Variants in ACACB observed in about 807,000 individuals in gnomAD.
ACACB encodes the protein acetyl-CoA carboxylase 2.
A neutral mutation model predicts 278.8 loss-of-function variants in ACACB; 209 were observed. That is an observed-to-expected ratio of 0.75 (90% confidence interval 0.67 to 0.84). The LOEUF is 0.84. ACACB is among the 40% of genes least tolerant of loss of function. The pLI, the probability that ACACB is intolerant of heterozygous loss-of-function variation, is 0.00. For synonymous variants in ACACB, 1,174 were observed against 1,285.6 expected (o/e 0.91, Z 1.86); for missense variants, 2,850 against 3,269.0 (o/e 0.87, Z 3.13).
intron 31 of ACACB, among the ~76,000 whole-genome samples, chr12:109,234,289 T>C (rs1476026248): frequency 6.6e-6 from 1 of 152,182 alleles, no homozygotes; most frequent in Non-Finnish European, 1.5e-5. Flanking sequence ...ATACACGGCT[T>C]AGCCAGTCCC....
chr12:109,133,863 A>ATATATTT (rs55881936), intron 1 of ACACB, among the ~76,000 whole-genome samples: 4 of 70,646 alleles, frequency 5.7e-5, no homozygotes, highest in African/African-American at 1.8e-4. Context: ...ATATATATAT[A>ATATATTT]TTTTTTTTTT....
At chr12:109,156,164 C>T (rs961020125) in intron 2 of ACACB, among the ~76,000 whole-genome samples, 9 of 152,138 alleles carry the variant, frequency 5.9e-5, no homozygotes, top group African/African-American at 2.2e-4. Flanking sequence ...TTGGAGGCTG[C>T]AGTGTGCTAT....
intron 1 of ACACB, among the ~76,000 whole-genome samples, chr12:109,122,092 G>A (rs1015205814): frequency 1.7e-4 from 26 of 152,326 alleles, no homozygotes; most frequent in Middle Eastern, 3.4e-3. Context: ...GCAGAGGAAC[G>A]TAGAGGGGTC....
Position 109,258,375 on chromosome 12 carries a change from C to CG in ACACB, c.6360+14dup. ...GATTCTGAGGCCAAGGTGAGGGGGCCGGGAGCTGTGGCTGCTGGTTTAGCC... is the reference window on the plus strand; with the variant it reads ...GATTCTGAGGCCAAGGTGAGGGGGCCGGGGAGCTGTGGCTGCTGGTTTAGCC... On this transcript the variant is annotated intron_variant, in intron 46 of 52. Transcript: ENST00000338432. The CG allele has an allele frequency of 6.2e-7, 1 of 1,606,734 alleles. No individual in the cohort carries two copies. The highest frequency in any genetic ancestry group is 8.5e-7 in the Non-Finnish European group (1 of 1,177,148).
intron 24 of ACACB, among the ~76,000 whole-genome samples, chr12:109,221,896 G>C (rs1210350895): frequency 7.9e-5 from 11 of 139,772 alleles, no homozygotes; most frequent in Admixed American, 7.7e-4. Context: ...TTTTTTTTTG[G>C]GGGGGAGACA....
At chr12:109,210,291 G>GTATA (rs1189428641) in intron 21 of ACACB, among the ~76,000 whole-genome samples, 3 of 72,534 alleles carry the variant, frequency 4.1e-5, no homozygotes, top group East Asian at 5.3e-4. Context: ...ACATATCTGT[G>GTATA]TGTATATGTA....
rs1400456538 is a variant in ACACB at position 109,223,859 on chromosome 12, T to C, written c.3837T>C (p.Thr1279=). 1.2e-6 allele frequency: 2 copies of C among 1,614,090 alleles called. No individual in the cohort carries two copies. The highest frequency in any genetic ancestry group is 2.7e-5 in the African/African-American group (2 of 74,936). ...SETTIFDVLP[T]FFYHANKVVC... is the part of the protein sequence containing the mutation. ...CAACCATCTTCGACGTCCTGCCTAC[T>C]TTCTTCTATCACGCAAACAAAGTCG... The change falls in exon 27 of 53, where the codon ACT becomes ACC. Residue 1279 remains threonine (T), a synonymous_variant. Coordinates refer to ENST00000338432, the MANE Select transcript of ACACB (RefSeq NM_001093.4).
At chr12:109,166,732 A>G in intron 2 of ACACB, 129 bp from the exon 3 acceptor site, 2 of 970,806 alleles carry the variant, frequency 2.1e-6, no homozygotes, top group South Asian at 3.0e-5. Flanking sequence ...GGGGCTCTGG[A>G]GAGCAAGTGC....
chr12:109,208,397 G>A lies in ACACB; in HGVS notation c.3061-768G>A, dbSNP rs143306128. Reference sequence around the variant, plus strand: ...CACCCAGCTAATTTTTTGTAGAGACGGGGTCTCGCCATGTTGCCCAGGCTG... The same window carrying A: ...CACCCAGCTAATTTTTTGTAGAGACAGGGTCTCGCCATGTTGCCCAGGCTG... On this transcript the variant is annotated intron_variant, in intron 20 of 52. Transcript: ENST00000338432. Among the ~76,000 whole-genome samples, 217 of 151,928 alleles carry A rather than the reference G, an allele frequency of 1.4e-3. 1 individual carries two copies. Among genetic ancestry groups the A allele is most frequent in the African/African-American group, 5.1e-3 (212 of 41,448 alleles).
At chr12:109,249,108 A>C (rs112479744) in intron 40 of ACACB, 1 of 152,256 alleles carries the variant, frequency 6.6e-6, no homozygotes. Context: ...GAAGCAAAGA[A>C]CACGGAATCA....
chr12:109,183,070 TG>T (rs2044535357), intron 11 of ACACB, among the ~76,000 whole-genome samples: 1 of 152,226 alleles, frequency 6.6e-6, no homozygotes, highest in Admixed American at 6.5e-5. Context: ...TTCGCAAGTC[TG>T]TCAAAAATCA....
At chr12:109,252,400 G>T in intron 42 of ACACB, 1 of 351,014 alleles carries the variant, frequency 2.8e-6, no homozygotes, top group African/African-American at 2.1e-5. Context: ...AATTATTGAA[G>T]TGCCATTACA....
chr12:109,245,754 A>G lies in ACACB; in HGVS notation c.5301+6A>G, dbSNP rs1180763389. On this transcript the variant is annotated splice_donor_region_variant and intron_variant, in intron 38 of 52. Transcript: ENST00000338432. ...GACTTCCTGGTGGAAATGAGGTAAT[A>G]GCTCAGCGGAGCCTAACCCCTGGCT... 1.2e-6 allele frequency: 2 copies of G among 1,613,526 alleles called. No individual in the cohort carries two copies.
rs1249480636 is a variant in ACACB, at chr12:109,246,203, A to T, written c.5326A>T (p.Arg1776Trp). The T allele has an allele frequency of 6.2e-7, 1 of 1,612,368 alleles. No homozygotes were observed. Among genetic ancestry groups the T allele is most frequent in the Admixed American group, 1.7e-5 (1 of 59,960 alleles). ...NEVGMVAFKM[R>W]FKTQEYPEGR... is the part of the protein sequence containing the mutation. The stretch of plus-strand genomic sequence containing the variant: ...GGTGGGCATGGTGGCCTTCAAAATG[A>T]GGTTTAAGACCCAGGAGTACCCGGA... Residue 1776 changes from arginine to tryptophan, a missense_variant, in exon 39 of 53, where the codon AGG becomes TGG. This residue lies in a region of ACACB where 2,265 missense variants were observed against 2,561.3 expected (regional missense o/e 0.88). Transcript: ENST00000338432.
chr12:109,143,952 A>G (rs1354964872), intron 2 of ACACB, among the ~76,000 whole-genome samples: 1 of 152,130 alleles, frequency 6.6e-6, no homozygotes, highest in African/African-American at 2.4e-5. Flanking sequence ...GGATCCCTTG[A>G]GCCCAGAAGT....
rs2044906072 is a variant in ACACB, at chr12:109,191,940, TC to T, written c.2392del (p.Leu798TrpfsTer13). On this transcript the variant is annotated frameshift_variant, in exon 15 of 53. Transcript: ENST00000338432. LOFTEE classifies it high-confidence loss of function. ...AACGTGCATGACAGATTTCTTACAC[TC>T]CCTGGAAAGGTAGGGGCTGTGGCAG... ...FRTCMTDFLH[S>X]LERGQVLPAD... 1.2e-6 allele frequency: 2 copies of T among 1,614,166 alleles called. No homozygotes were observed. Among genetic ancestry groups the T allele is most frequent in the East Asian group, 4.5e-5 (2 of 44,868 alleles).
rs757152112 is a variant in ACACB, at chr12:109,233,799, C to G, written c.4191C>G (p.Pro1397=). 59 of 1,614,096 alleles carry G rather than the reference C, an allele frequency of 3.7e-5. 1 individual carries two copies. The East Asian group carries it at 1.1e-3, about 30-fold the overall frequency. The change falls in exon 30 of 53, where the codon CCC becomes CCG. Residue 1397 remains proline, a synonymous_variant. Coordinates refer to ENST00000338432, the MANE Select transcript of ACACB (RefSeq NM_001093.4). ...SCFANVPKDT[P]LFSEARTSLY... is the part of the protein sequence containing the mutation. The stretch of plus-strand genomic sequence containing the variant: ...TCGCCAACGTGCCCAAAGACACCCC[C>G]CTCTTCAGCGAGGCCCGCACCTCCC...
At chr12:109,254,825 A>C (rs906418351) in intron 44 of ACACB, among the ~76,000 whole-genome samples, 4 of 150,376 alleles carry the variant, frequency 2.7e-5, no homozygotes, top group African/African-American at 9.8e-5. Context: ...CCCAGGCTGG[A>C]GTGCAGTGGC....
chr12:109,232,667 A>G lies in ACACB; in HGVS notation c.4002-2A>G. 6.2e-7 allele frequency: 1 copy of G among 1,613,522 alleles called. No individual in the cohort carries two copies. The highest frequency in any genetic ancestry group is 1.1e-5 in the South Asian group (1 of 90,986). ...CATCCCCGACTTGCCATCACCTTAC[A>G]GGATGACCGTGCCCATCAGCATCAC... On this transcript the variant is annotated splice_acceptor_variant, in intron 28 of 52. Coordinates refer to ENST00000338432, the MANE Select transcript of ACACB (RefSeq NM_001093.4). LOFTEE classifies it high-confidence loss of function.
Sources: gnomAD v4.1 joint callset for allele counts (sites outside exome capture counted in the v4.1 genomes callset) on GRCh38, gnomAD v4.1.1 for gene constraint, gnomAD v4.1.1 regional missense constraint, MANE v1.5 for transcripts, NCBI Gene and HGNC (gene_info 2026-07-23, HGNC 2026-07-21) for gene names.